The following SEMA3C variants were observed in gnomAD, a reference collection of about 807,000 sequenced individuals.
The protein encoded by SEMA3C is semaphorin-3C.
Under a neutral mutation model 89.4 loss-of-function variants are expected in SEMA3C, and 47 were observed. The observed-to-expected ratio is 0.53, with a 90% CI of 0.42 to 0.67. The LOEUF (loss-of-function observed/expected upper bound fraction) is 0.67, where lower values mean the gene tolerates loss of function less well. Ranked by LOEUF, SEMA3C falls within the 30% of genes least tolerant of loss-of-function variation. The pLI is 0.00. For missense variants in SEMA3C, 839 were observed against 929.1 expected (o/e 0.90, Z 1.26); for synonymous variants, 310 against 320.2 (o/e 0.97, Z 0.34).
At chr7:80,831,343 T>C (rs1362613733) in intron 2 of SEMA3C, among the ~76,000 whole-genome samples, 1 of 152,330 alleles carries the variant, frequency 6.6e-6, no homozygotes, top group African/African-American at 2.4e-5. Context: ...ATTGGGTTGT[T>C]GTGAAGTTTA....
Position 80,800,920 on chromosome 7 carries a change from G to T in SEMA3C, c.917-94C>A, listed in dbSNP as rs1369640600. 7.2e-6 allele frequency: 5 copies of T among 693,344 alleles called. No homozygotes were observed. The Admixed American group carries it at 9.3e-5, about 13-fold the overall frequency. 42.9% of individuals were successfully genotyped at this position (693,344 alleles called of 1,614,324 possible). Reference sequence around the variant, plus strand: ...AAGAAAATAATTTCAACTCTGAAAAGTACTCTGCAAAAAGATATTCCTGTA... The same window carrying T: ...AAGAAAATAATTTCAACTCTGAAAATTACTCTGCAAAAAGATATTCCTGTA... On this transcript the variant is annotated intron_variant, in intron 9 of 17. Transcript: ENST00000265361.
chr7:80,760,769 G>A (rs1027908536), intron 14 of SEMA3C, among the ~76,000 whole-genome samples: 1 of 152,164 alleles, frequency 6.6e-6, no homozygotes, highest in African/African-American at 2.4e-5. Flanking sequence ...AAATTAACTT[G>A]TTTGTGAGAA....
At chr7:80,770,731 C>A (rs1788412110) in intron 12 of SEMA3C, among the ~76,000 whole-genome samples, 1 of 152,140 alleles carries the variant, frequency 6.6e-6, no homozygotes, top group Non-Finnish European at 1.5e-5. Flanking sequence ...TAAGCCTGGC[C>A]AATAAGAGCA....
chr7:80,804,468 G>C (rs1382486819), intron 7 of SEMA3C, among the ~76,000 whole-genome samples: 6 of 152,058 alleles, frequency 3.9e-5, no homozygotes, highest in Admixed American at 3.9e-4. Context: ...AATTATTTGT[G>C]CACCAATGAG....
chr7:80,829,643 A>G (rs973351918), intron 2 of SEMA3C, among the ~76,000 whole-genome samples: 2 of 152,114 alleles, frequency 1.3e-5, no homozygotes, highest in South Asian at 4.1e-4. Flanking sequence ...AGGTATCTAA[A>G]TGTTCATATT....
In SEMA3C at chr7:80,800,796, G is replaced by T; in HGVS notation, c.947C>A (p.Pro316Gln). The change falls in exon 10 of 18, where the codon CCG becomes CAG. Residue 316 changes from proline (P) to glutamine (Q), a missense_variant. By Grantham distance (76) the Pro-to-Gln change is moderately conservative. Coordinates refer to ENST00000265361, the MANE Select transcript of SEMA3C (RefSeq NM_006379.5). The stretch of plus-strand genomic sequence containing the variant: ...AATGCCATACACTAGTGTTGTCCTC[G>T]GGTTATCAGTTTCCAGCAGAAACAC... The part of the protein sequence containing the change: ...EDVFLLETDN[P>Q]RTTLVYGIFT... The T allele has an allele frequency of 1.3e-6, 2 of 1,513,874 alleles. No homozygotes were observed. Among genetic ancestry groups the T allele is most frequent in the Non-Finnish European group, 1.8e-6 (2 of 1,136,812 alleles). 93.8% of individuals were successfully genotyped at this position (1,513,874 alleles called of 1,614,324 possible). A position where few individuals can be genotyped will look rare whatever the true frequency, so the allele number is the denominator to read the frequency against.
intron 2 of SEMA3C, among the ~76,000 whole-genome samples, chr7:80,849,187 C>G (rs1790454697): frequency 6.6e-6 from 1 of 152,130 alleles, no homozygotes; most frequent in Non-Finnish European, 1.5e-5. Context: ...ATCTTCTTTA[C>G]TGTTCTGCAT....
intron 2 of SEMA3C, among the ~76,000 whole-genome samples, chr7:80,897,929 GGTT>G (rs1562975502): frequency 6.6e-6 from 1 of 152,012 alleles, no homozygotes; most frequent in Non-Finnish European, 1.5e-5. Flanking sequence ...AAAAATATAG[GGTT>G]GTTTTCTTTG....
intron 1 of SEMA3C, among the ~76,000 whole-genome samples, chr7:80,917,546 T>C (rs1223030857): frequency 6.6e-6 from 1 of 152,192 alleles, no homozygotes; most frequent in Admixed American, 6.5e-5. Context: ...GCTGTCAAAA[T>C]TCCCAAAGAT....
chr7:80,805,117 T>C (rs1266471363), intron 7 of SEMA3C, among the ~76,000 whole-genome samples: 1 of 152,138 alleles, frequency 6.6e-6, no homozygotes, highest in African/African-American at 2.4e-5. Context: ...TTATCATTCC[T>C]ATGATTTCTA....
chr7:80,897,664 A>T (rs1791772494), intron 2 of SEMA3C, among the ~76,000 whole-genome samples: 1 of 152,234 alleles, frequency 6.6e-6, no homozygotes, highest in Admixed American at 6.5e-5. Context: ...CTTAAAAAAA[A>T]GTTTGAGGCT....
At chr7:80,910,777 G>A (rs1264397485) in intron 2 of SEMA3C, among the ~76,000 whole-genome samples, 1 of 145,296 alleles carries the variant, frequency 6.9e-6, no homozygotes, top group Non-Finnish European at 1.5e-5. Context: ...TATAAAAGAT[G>A]TTTATGAAAG....
intron 2 of SEMA3C, among the ~76,000 whole-genome samples, chr7:80,872,923 GA>G (rs758696880): frequency 0.058 from 4,581 of 79,612 alleles, 137 homozygotes; most frequent in East Asian, 0.17. Context: ...GAATGAGAGT[GA>G]AAAAAAAAAA....
chr7:80,905,175 ATT>A (rs777783617), intron 2 of SEMA3C, among the ~76,000 whole-genome samples: 6 of 123,504 alleles, frequency 4.9e-5, no homozygotes, highest in Admixed American at 2.6e-4. Context: ...AATTATGGCC[ATT>A]TTTTTTTTTT....
chr7:80,787,515 A>G (rs1788833571), intron 12 of SEMA3C, among the ~76,000 whole-genome samples: 1 of 152,094 alleles, frequency 6.6e-6, no homozygotes, highest in Admixed American at 6.6e-5. Context: ...GAATCCTCTG[A>G]CACATGACTG....
At chr7:80,888,277 G>A (rs1159492165) in intron 2 of SEMA3C, among the ~76,000 whole-genome samples, 1 of 151,972 alleles carries the variant, frequency 6.6e-6, no homozygotes, top group African/African-American at 2.4e-5. Context: ...AGCCGGGCAT[G>A]GTGGAGTGTG....
At chr7:80,887,277 T>C (rs1172767714) in intron 2 of SEMA3C, among the ~76,000 whole-genome samples, 2 of 152,194 alleles carry the variant, frequency 1.3e-5, no homozygotes, top group African/African-American at 2.4e-5. Context: ...TCAAAACAAT[T>C]AATTCAATTT....
chr7:80,912,228 C>T (rs1474742814), intron 2 of SEMA3C, among the ~76,000 whole-genome samples: 2 of 152,082 alleles, frequency 1.3e-5, no homozygotes, highest in Non-Finnish European at 2.9e-5. Flanking sequence ...AATGTAACAC[C>T]TTTTATCCTA....
In SEMA3C at chr7:80,742,591, A is replaced by G. The variant is rs1787707619; in HGVS notation, c.*2303T>C. The G allele has an allele frequency of 6.6e-6, 1 of 152,054 alleles. No individual in the cohort carries two copies. The highest frequency in any genetic ancestry group is 2.4e-5 in the African/African-American group (1 of 41,446). The allele number at this position is 152,054 out of a possible 1,614,324, so 9.4% of individuals were successfully genotyped here. A position where few individuals can be genotyped will look rare whatever the true frequency, so the allele number is the denominator to read the frequency against. ...AGGCCAATGATTTCATCAATATCCA[A>G]TTAAATTTTAGTGTGACAACTACAT... On this transcript the variant is annotated 3_prime_UTR_variant, in exon 18 of 18. Transcript: ENST00000265361.
Sources: allele counts gnomAD v4.1 joint callset (sites outside exome capture counted in the v4.1 genomes callset), GRCh38; gene constraint gnomAD v4.1.1; transcripts MANE v1.5; gene names NCBI Gene and HGNC (gene_info 2026-07-23, HGNC 2026-07-21).